The following ARPP21 variants were observed in gnomAD, a reference collection of about 807,000 sequenced individuals.
ARPP21 encodes the protein cAMP regulated phosphoprotein 21, also known as cAMP-regulated phosphoprotein 21.
Under a neutral mutation model 113.2 loss-of-function variants are expected in ARPP21, and 69 were observed. The observed-to-expected ratio is 0.61, with a 90% CI of 0.50 to 0.74. The LOEUF (loss-of-function observed/expected upper bound fraction) is 0.74. Ranked by LOEUF, ARPP21 falls within the 30% of genes least tolerant of loss-of-function variation. ARPP21 has a pLI of 0.00. For synonymous variants in ARPP21, 368 were observed against 375.5 expected (o/e 0.98, Z 0.23); for missense variants, 1,070 against 1,037.4 (o/e 1.03, Z -0.43).
intron 5 of ARPP21, chr3:35,684,564 G>C (rs1448657731): frequency 1.0e-6 from 1 of 985,386 alleles, no homozygotes; most frequent in Non-Finnish European, 1.2e-6. Flanking sequence ...TGCTGAAATT[G>C]TACTTATTTT....
intron 19 of ARPP21, among the ~76,000 whole-genome samples, chr3:35,754,291 A>G (rs2095502142): frequency 6.6e-6 from 1 of 151,988 alleles, no homozygotes; most frequent in Non-Finnish European, 1.5e-5. Flanking sequence ...GTAACTAATA[A>G]CACTAAGAGA....
chr3:35,743,797 C>T (rs762520939), intron 18 of ARPP21, 42 bp from the exon 19 acceptor site: 2 of 1,598,566 alleles, frequency 1.3e-6, no homozygotes, highest in South Asian at 2.2e-5. Flanking sequence ...TTTACATTAT[C>T]TACATTTTCA....
At chr3:35,746,195 G>A (rs1193264957) in intron 19 of ARPP21, among the ~76,000 whole-genome samples, 1 of 152,194 alleles carries the variant, frequency 6.6e-6, no homozygotes, top group African/African-American at 2.4e-5. Context: ...CCACCACAGT[G>A]ATGAATGTAC....
At chr3:35,696,973 C>T (rs1268699277) in intron 9 of ARPP21, among the ~76,000 whole-genome samples, 2 of 151,390 alleles carry the variant, frequency 1.3e-5, no homozygotes, top group Non-Finnish European at 3.0e-5. Context: ...CTTCTTCATC[C>T]CAGAGAAAGG....
chr3:35,729,250 C>A, intron 14 of ARPP21, 53 bp from the exon 15 acceptor site: 1 of 1,285,504 alleles, frequency 7.8e-7, no homozygotes, highest in Non-Finnish European at 1.1e-6. Context: ...CAGATTGGTG[C>A]TTTCTCTCAT....
chr3:35,705,384 C>A (rs1218078417), intron 9 of ARPP21, among the ~76,000 whole-genome samples: 2 of 152,070 alleles, frequency 1.3e-5, no homozygotes, highest in African/African-American at 4.8e-5. Context: ...TGTAAATGGC[C>A]TTTTCATTGT....
chr3:35,640,313 G>T lies in ARPP21; in HGVS notation c.-298G>T, dbSNP rs1378760752. 6.6e-6 allele frequency: 1 copy of T among 152,204 alleles called. No homozygotes were observed. Among genetic ancestry groups the T allele is most frequent in the Non-Finnish European group, 1.5e-5 (1 of 68,114 alleles). The allele number at this position is 152,204 out of a possible 1,614,324, so 9.4% of individuals were successfully genotyped here. Reference sequence around the variant, plus strand: ...CAAATCCAGCCAAATCAATCATTGAGAAACAATAATATTAATAAAATCCAA... The same window carrying T: ...CAAATCCAGCCAAATCAATCATTGATAAACAATAATATTAATAAAATCCAA... On this transcript the variant is annotated 5_prime_UTR_variant, in exon 1 of 21. Transcript: ENST00000684406.
At chr3:35,755,804 C>T (rs1417946733) in intron 19 of ARPP21, among the ~76,000 whole-genome samples, 1 of 152,008 alleles carries the variant, frequency 6.6e-6, no homozygotes, top group Non-Finnish European at 1.5e-5. Flanking sequence ...TGCAGTGGTA[C>T]CCATGGGAAA....
intron 10 of ARPP21, among the ~76,000 whole-genome samples, chr3:35,708,302 T>C (rs1227381879): frequency 6.6e-6 from 1 of 152,200 alleles, no homozygotes; most frequent in Non-Finnish European, 1.5e-5. Flanking sequence ...GCAGTCCTCA[T>C]GCTGGGTTCT....
chr3:35,681,248 C>T (rs1269682937), intron 2 of ARPP21: 1 of 152,830 alleles, frequency 6.5e-6, no homozygotes, highest in Non-Finnish European at 1.5e-5. Flanking sequence ...TTGCAGACTA[C>T]TGTATTCTTT....
intron 10 of ARPP21, among the ~76,000 whole-genome samples, chr3:35,708,663 G>T (rs2150028324): frequency 6.6e-6 from 1 of 152,304 alleles, no homozygotes; most frequent in South Asian, 2.1e-4. Context: ...TCAGTGATGA[G>T]CCATCACGTA....
At chr3:35,740,486 A>T (rs7643820) in intron 18 of ARPP21, among the ~76,000 whole-genome samples, 15,910 of 152,226 alleles carry the variant, frequency 0.1, 844 homozygotes, top group Non-Finnish European at 0.12. Context: ...CCCTCTACCA[A>T]GAAATAATTG....
intron 9 of ARPP21, 43 bp from the exon 10 acceptor site, chr3:35,706,931 G>A (rs771282876): frequency 1.2e-5 from 18 of 1,464,116 alleles, no homozygotes; most frequent in Middle Eastern, 1.9e-4. Flanking sequence ...CTTTAAACAA[G>A]GGGGAAAAAC....
chr3:35,640,086 C>CCAG lies in ARPP21; in HGVS notation c.-515_-513dup, dbSNP rs920805609. 8 of 152,330 alleles carry CCAG rather than the reference C, an allele frequency of 5.3e-5. No homozygotes were observed. The highest frequency in any genetic ancestry group is 8.8e-5 in the Non-Finnish European group (6 of 68,172). 9.4% of individuals were successfully genotyped at this position (152,330 alleles called of 1,614,324 possible). On this transcript the variant is annotated 5_prime_UTR_variant, in exon 1 of 21. Transcript: ENST00000684406. ...CTTCTGAGCGCGTCCGGAGCAGAGA[C>CCAG]CAGCAGCAGCAGGGGCAGCGGGGAC...
chr3:35,752,377 G>A (rs1474534713), intron 19 of ARPP21, among the ~76,000 whole-genome samples: 1 of 152,024 alleles, frequency 6.6e-6, no homozygotes, highest in Admixed American at 6.6e-5. Flanking sequence ...GAAGTTGGAG[G>A]GGGTCAGCCT....
At chr3:35,744,575 T>C (rs2094898415) in intron 19 of ARPP21, 1 of 515,050 alleles carries the variant, frequency 1.9e-6, no homozygotes, top group Admixed American at 2.1e-5. Context: ...CCTAATGGAA[T>C]GCCGTTATCC....
intron 1 of ARPP21, among the ~76,000 whole-genome samples, chr3:35,649,053 TC>T (rs1420259247): frequency 5.9e-5 from 9 of 152,314 alleles, no homozygotes; most frequent in African/African-American, 1.4e-4. Flanking sequence ...AAGGCCTATT[TC>T]CCAGTCCATT....
chr3:35,739,357 G>T lies in ARPP21; in HGVS notation c.1790G>T (p.Ser597Ile). The T allele has an allele frequency of 6.2e-7, 1 of 1,614,112 alleles. No individual in the cohort carries two copies. Among genetic ancestry groups the T allele is most frequent in the Non-Finnish European group, 8.5e-7 (1 of 1,180,032 alleles). Residue 597 changes from serine to isoleucine, a missense_variant, in exon 18 of 21, where the codon AGC (serine) becomes ATC (isoleucine). Coordinates refer to ENST00000684406, the MANE Select transcript of ARPP21 (RefSeq NM_001385562.1). Reference sequence around the variant, plus strand: ...ACACAGTTTGGCCAGATGACCCTGAGCCGGCAGTCCTCGGGGGAGACTCCT... The same window carrying T: ...ACACAGTTTGGCCAGATGACCCTGATCCGGCAGTCCTCGGGGGAGACTCCT... ...VATQFGQMTLSRQSSGETPEP... is the reference protein window; with the variant it reads ...VATQFGQMTLIRQSSGETPEP...
intron 14 of ARPP21, among the ~76,000 whole-genome samples, chr3:35,723,118 G>GT (rs1248971720): frequency 6.6e-6 from 1 of 152,116 alleles, no homozygotes; most frequent in Admixed American, 6.5e-5. Flanking sequence ...TGACAGGTGA[G>GT]TGGGAGGCCA....
Sources: gnomAD v4.1 joint callset for allele counts (sites outside exome capture counted in the v4.1 genomes callset) on GRCh38, gnomAD v4.1.1 for gene constraint, MANE v1.5 for transcripts, NCBI Gene and HGNC (gene_info 2026-07-23, HGNC 2026-07-21) for gene names.